Variants in ABCC4 observed in about 807,000 individuals in gnomAD.
ABCC4 encodes the protein ATP binding cassette subfamily C member 4 (PEL blood group).
A neutral mutation model predicts 168.5 loss-of-function variants in ABCC4; 102 were observed. The ratio of observed to expected loss-of-function variants is 0.61; its 90% CI spans 0.52 to 0.71. ABCC4 has a LOEUF of 0.71. Ranked by LOEUF, ABCC4 falls within the 30% of genes least tolerant of loss-of-function variation. The pLI is 0.00. For synonymous variants in ABCC4, 617 were observed against 590.7 expected (o/e 1.04, Z -0.65); for missense variants, 1,402 against 1,605.8 (o/e 0.87, Z 2.17).
At chr13:95,249,143 C>T (rs1474566367) in intron 1 of ABCC4, among the ~76,000 whole-genome samples, 1 of 151,638 alleles carries the variant, frequency 6.6e-6, no homozygotes, top group East Asian at 1.9e-4. Context: ...ATGGACTGAG[C>T]TCAGGAGGTC....
chr13:95,176,224 A>G (rs9524818), intron 13 of ABCC4, among the ~76,000 whole-genome samples: 4,366 of 5,528 alleles, frequency 0.79, 1,677 homozygotes, highest in Non-Finnish European at 0.91. Flanking sequence ...AGCCGAGGGC[A>G]GGGGGGGGGG....
intron 1 of ABCC4, among the ~76,000 whole-genome samples, chr13:95,262,158 G>T (rs558351287): frequency 1.1e-4 from 16 of 152,284 alleles, no homozygotes; most frequent in African/African-American, 3.4e-4. Context: ...CAGCCCTGGG[G>T]CCCCGCACAC....
chr13:95,249,229 A>AAAAG lies in ABCC4; in HGVS notation c.75-1477_75-1476insCTTT, dbSNP rs71207586. ...GCAAGGCTTTGTCTAAAAAAAAAAA[A>AAAAG]AAGAAGAAGAAACATATTTGTGCCC... is the stretch of plus-strand genomic sequence containing the variant. On this transcript the variant is annotated intron_variant, in intron 1 of 30. Transcript: ENST00000645237. 4.9e-3 allele frequency among the ~76,000 whole-genome samples: 731 copies of AAAAG among 148,572 alleles called. 2 individuals are homozygous for AAAAG. The highest frequency in any genetic ancestry group is 0.014 in the African/African-American group (575 of 40,568).
chr13:95,263,666 T>C (rs1171307570), intron 1 of ABCC4, among the ~76,000 whole-genome samples: 1 of 151,998 alleles, frequency 6.6e-6, no homozygotes, highest in Non-Finnish European at 1.5e-5. Flanking sequence ...CTACTAAAAA[T>C]ACAAAAATTA....
At chr13:95,149,193 G>A (rs2036595911) in intron 19 of ABCC4, among the ~76,000 whole-genome samples, 1 of 152,146 alleles carries the variant, frequency 6.6e-6, no homozygotes, top group Admixed American at 6.6e-5. Flanking sequence ...TAAAGTGAAA[G>A]AAGAACACTT....
intron 1 of ABCC4, among the ~76,000 whole-genome samples, chr13:95,261,542 T>A (rs572902421): frequency 6.6e-6 from 1 of 152,256 alleles, no homozygotes; most frequent in South Asian, 2.1e-4. Flanking sequence ...TATCTTAAAT[T>A]CATTGTCATT....
At chr13:95,046,384 G>A (rs1211380457) in intron 27 of ABCC4, among the ~76,000 whole-genome samples, 3 of 152,242 alleles carry the variant, frequency 2.0e-5, no homozygotes, top group East Asian at 1.9e-4. Flanking sequence ...AGGGTTGTGA[G>A]GTGAAGAATA....
chr13:95,167,381 C>G lies in ABCC4; in HGVS notation c.1825-1014G>C, dbSNP rs1236817108. Among the ~76,000 whole-genome samples the G allele has an allele frequency of 3.3e-5, 5 of 152,130 alleles. No homozygotes were observed. The East Asian group carries it at 9.7e-4, about 29-fold the overall frequency. On this transcript the variant is annotated intron_variant, in intron 14 of 30. Transcript: ENST00000645237. ...ATGAGACCCAACTGATTTCCTCAAA[C>G]AGCAGCAAACAAAATATTAGGCAAA...
intron 19 of ABCC4, among the ~76,000 whole-genome samples, chr13:95,146,340 C>T (rs566402112): frequency 3.3e-5 from 5 of 152,134 alleles, no homozygotes; most frequent in Admixed American, 2.6e-4. Context: ...AATCTGTATA[C>T]CAAACCCTCC....
At chr13:95,043,865 A>T in intron 28 of ABCC4, 78 bp from the exon 29 acceptor site, 1 of 927,982 alleles carries the variant, frequency 1.1e-6, no homozygotes, top group Non-Finnish European at 1.7e-6. Context: ...CTACTTCACA[A>T]TAGAGATTTA....
chr13:95,194,706 T>C (rs1390578052), intron 9 of ABCC4, 130 bp downstream of exon 9: 1 of 648,080 alleles, frequency 1.5e-6, no homozygotes, highest in Admixed American at 3.4e-5. Flanking sequence ...ATTTTGAGAA[T>C]CTTTGTAACA....
chr13:95,227,044 T>TC (rs1233161251), intron 4 of ABCC4, among the ~76,000 whole-genome samples: 1 of 152,124 alleles, frequency 6.6e-6, no homozygotes, highest in Non-Finnish European at 1.5e-5. Context: ...TTTAAAGATT[T>TC]CCCCTCATGA....
chr13:95,024,206 CAAAAAAAAA>C (rs71207428), intron 30 of ABCC4, among the ~76,000 whole-genome samples: 1 of 43,944 alleles, frequency 2.3e-5, no homozygotes, highest in African/African-American at 7.0e-5. Context: ...GAGACTGTCT[CAAAAAAAAA>C]AAAAAAAAAA....
rs57578235 is a variant in ABCC4, at chr13:95,273,594, C to T, written c.75-25841G>A. The stretch of plus-strand genomic sequence containing the variant: ...AAGACTTTGACTGAGCACCATGGAC[C>T]CTCCTGCTCTGTCAAATGCCTCTTC... On this transcript the variant is annotated intron_variant, in intron 1 of 30. Coordinates refer to ENST00000645237, the MANE Select transcript of ABCC4 (RefSeq NM_005845.5). Among the ~76,000 whole-genome samples the T allele has an allele frequency of 4.9e-3, 740 of 152,204 alleles. 5 individuals carry two copies. The highest frequency in any genetic ancestry group is 0.017 in the African/African-American group (700 of 41,518).
chr13:95,164,333 C>T (rs756631756), intron 16 of ABCC4, 45 bp downstream of exon 16: 5 of 1,608,660 alleles, frequency 3.1e-6, no homozygotes, highest in African/African-American at 2.7e-5. Flanking sequence ...AACATAGGTA[C>T]TGTAAATATC....
At chr13:95,231,103 A>C (rs1002363033) in intron 4 of ABCC4, among the ~76,000 whole-genome samples, 1 of 152,228 alleles carries the variant, frequency 6.6e-6, no homozygotes, top group Non-Finnish European at 1.5e-5. Flanking sequence ...GCTGGAAAGC[A>C]GAAGGCTGAC....
intron 4 of ABCC4, among the ~76,000 whole-genome samples, chr13:95,222,305 C>T (rs185256619): frequency 1.9e-4 from 29 of 152,348 alleles, no homozygotes; most frequent in African/African-American, 6.5e-4. Flanking sequence ...TGCCTCAGAA[C>T]TGTACAACAC....
intron 30 of ABCC4, among the ~76,000 whole-genome samples, chr13:95,027,361 C>T (rs990153902): frequency 1.3e-5 from 2 of 152,026 alleles, no homozygotes; most frequent in Non-Finnish European, 2.9e-5. Flanking sequence ...TACTGAAAAG[C>T]ATTTCAAAAA....
chr13:95,277,449 C>T (rs556154809), intron 1 of ABCC4, among the ~76,000 whole-genome samples: 7 of 151,932 alleles, frequency 4.6e-5, no homozygotes, highest in Non-Finnish European at 8.8e-5. Flanking sequence ...GGCATGGTGG[C>T]GGGCGCCTGT....
Sources: allele counts gnomAD v4.1 joint callset (sites outside exome capture counted in the v4.1 genomes callset), GRCh38; gene constraint gnomAD v4.1.1; transcripts MANE v1.5; gene names NCBI Gene and HGNC (gene_info 2026-07-23, HGNC 2026-07-21).